FER: variants seen among roughly 807,000 people sequenced by gnomAD.
FER encodes tyrosine-protein kinase Fer.
A neutral mutation model predicts 111.0 loss-of-function variants in FER; 63 were observed. That is an observed-to-expected ratio of 0.57 (90% CI 0.46 to 0.70). The LOEUF (loss-of-function observed/expected upper bound fraction) is 0.70. FER is among the 30% of genes least tolerant of loss of function. The probability of loss-of-function intolerance (pLI) is 0.00; values close to 1 mark genes in which losing one functional copy is unlikely to be tolerated. For synonymous variants in FER, 327 were observed against 313.9 expected (o/e 1.04, Z -0.44); for missense variants, 914 against 954.0 (o/e 0.96, Z 0.55).
intron 16 of FER, among the ~76,000 whole-genome samples, chr5:109,060,386 C>T (rs893620781): frequency 6.6e-6 from 1 of 152,178 alleles, no homozygotes; most frequent in Admixed American, 6.5e-5. Context: ...TATGAACTTA[C>T]TCAACTTACT....
intron 16 of FER, among the ~76,000 whole-genome samples, chr5:109,086,771 A>G (rs1391085732): frequency 6.6e-6 from 1 of 151,006 alleles, no homozygotes; most frequent in African/African-American, 2.4e-5. Flanking sequence ...TTTTCTTTCC[A>G]TGATATATTA....
intron 16 of FER, among the ~76,000 whole-genome samples, chr5:109,060,197 T>C (rs1220118678): frequency 6.6e-6 from 1 of 152,130 alleles, no homozygotes; most frequent in Non-Finnish European, 1.5e-5. Flanking sequence ...TGAGGGTTCT[T>C]TTTGGAGTGA....
intron 10 of FER, among the ~76,000 whole-genome samples, chr5:108,913,440 GA>G (rs973011332): frequency 6.6e-6 from 1 of 152,152 alleles, no homozygotes; most frequent in Non-Finnish European, 1.5e-5. Context: ...TGACAGAAAG[GA>G]AAGGATGCAG....
At chr5:108,886,842 C>G (rs1371772619) in intron 9 of FER, among the ~76,000 whole-genome samples, 4 of 151,642 alleles carry the variant, frequency 2.6e-5, no homozygotes, top group Non-Finnish European at 5.9e-5. Context: ...AGAGTTACTG[C>G]TAAATTTCAT....
chr5:108,767,130 C>G (rs1391843637), intron 1 of FER, among the ~76,000 whole-genome samples: 2 of 152,110 alleles, frequency 1.3e-5, no homozygotes, highest in South Asian at 2.1e-4. Context: ...ATGGTGAAAC[C>G]CTGTCTGTAC....
chr5:109,039,568 A>G (rs2149888019), intron 14 of FER, among the ~76,000 whole-genome samples: 1 of 152,204 alleles, frequency 6.6e-6, no homozygotes, highest in East Asian at 1.9e-4. Flanking sequence ...ATCCAGATAA[A>G]CCTTATTATG....
At chr5:108,941,636 T>G (rs1756286115) in intron 10 of FER, among the ~76,000 whole-genome samples, 1 of 152,194 alleles carries the variant, frequency 6.6e-6, no homozygotes, top group Non-Finnish European at 1.5e-5. Flanking sequence ...CTTGATAATC[T>G]AATTTATAAT....
chr5:109,107,802 C>T (rs898413824), intron 17 of FER, among the ~76,000 whole-genome samples: 1 of 152,096 alleles, frequency 6.6e-6, no homozygotes, highest in Non-Finnish European at 1.5e-5. Context: ...TTTTCCCTTT[C>T]ACCTTGAAGA....
intron 17 of FER, among the ~76,000 whole-genome samples, chr5:109,113,950 TA>T (rs982228073): frequency 1.3e-5 from 2 of 151,994 alleles, no homozygotes; most frequent in Non-Finnish European, 2.9e-5. Context: ...GAAACAAGAT[TA>T]AAAAAATAGA....
chr5:108,754,868 A>G (rs1750908692), intron 1 of FER, among the ~76,000 whole-genome samples: 1 of 152,208 alleles, frequency 6.6e-6, no homozygotes. Context: ...TCAGAAAAGT[A>G]TCTTTGCATT....
intron 13 of FER, among the ~76,000 whole-genome samples, chr5:108,962,490 A>G (rs887721963): frequency 6.6e-6 from 1 of 152,142 alleles, no homozygotes; most frequent in Non-Finnish European, 1.5e-5. Context: ...ACATTATATT[A>G]TATGATGTAT....
At chr5:109,164,108 T>A (rs1333205868) in intron 17 of FER, among the ~76,000 whole-genome samples, 1 of 152,152 alleles carries the variant, frequency 6.6e-6, no homozygotes, top group Non-Finnish European at 1.5e-5. Context: ...CCTAGTGGAT[T>A]GGCTCATTCT....
intron 16 of FER, among the ~76,000 whole-genome samples, chr5:109,055,970 C>A (rs967501462): frequency 1.3e-5 from 2 of 151,858 alleles, no homozygotes; most frequent in Admixed American, 6.6e-5. Flanking sequence ...GACAGATATA[C>A]GATAGGTGCT....
chr5:109,127,484 A>G (rs968282290), intron 17 of FER, among the ~76,000 whole-genome samples: 17 of 152,156 alleles, frequency 1.1e-4, no homozygotes, highest in Admixed American at 3.9e-4. Context: ...GCTCACTGCA[A>G]TCTCCACCTC....
At chr5:109,121,400 C>T (rs558520182) in intron 17 of FER, among the ~76,000 whole-genome samples, 10 of 152,116 alleles carry the variant, frequency 6.6e-5, no homozygotes, top group African/African-American at 2.2e-4. Context: ...TCACATTGAT[C>T]GAGTTGCATG....
chr5:109,017,095 C>T (rs990381670), intron 13 of FER, among the ~76,000 whole-genome samples: 2 of 151,916 alleles, frequency 1.3e-5, no homozygotes, highest in Non-Finnish European at 2.9e-5. Flanking sequence ...ATGTAATGAA[C>T]GTGCTGTTTT....
chr5:109,164,786 T>G (rs1756362722), intron 17 of FER, among the ~76,000 whole-genome samples: 1 of 152,144 alleles, frequency 6.6e-6, no homozygotes, highest in African/African-American at 2.4e-5. Flanking sequence ...CTAATCCTTA[T>G]TTTCATGTAT....
chr5:108,787,462 C>G (rs963952255), intron 2 of FER, among the ~76,000 whole-genome samples: 4 of 152,160 alleles, frequency 2.6e-5, no homozygotes, highest in African/African-American at 9.7e-5. Context: ...AACTTTACCT[C>G]AGGCCAGCGA....
chr5:109,041,043 G>A (rs911204017), intron 14 of FER, among the ~76,000 whole-genome samples: 2 of 152,092 alleles, frequency 1.3e-5, no homozygotes, highest in African/African-American at 4.8e-5. Flanking sequence ...TTTGAGAAGA[G>A]AATAGAAGAG....
Sources: allele counts gnomAD v4.1 joint callset (sites outside exome capture counted in the v4.1 genomes callset), GRCh38; gene constraint gnomAD v4.1.1; transcripts MANE v1.5; gene names NCBI Gene and HGNC (gene_info 2026-07-23, HGNC 2026-07-21).